Variants in LRP1B observed in about 807,000 individuals in gnomAD.
LRP1B encodes LDL receptor related protein 1B.
A neutral mutation model predicts 556.6 loss-of-function variants in LRP1B; 217 were observed. The observed-to-expected ratio is 0.39, with a 90% CI of 0.35 to 0.44. LRP1B has a LOEUF of 0.44. Among genes scored for constraint, LRP1B ranks in the 20% least tolerant of loss-of-function variants. LRP1B has a pLI of 1.00. For missense variants in LRP1B, 5,053 were observed against 5,620.8 expected, an observed-to-expected ratio of 0.90 and a Z score of 3.23; for synonymous variants, 2,047 against 1,865.8, an observed-to-expected ratio of 1.10 and a Z score of -2.50.
At chr2:141,208,957 G>T (rs2105245956) in intron 6 of LRP1B, among the ~76,000 whole-genome samples, 1 of 141,754 alleles carries the variant, frequency 7.1e-6, no homozygotes, top group East Asian at 2.2e-4. Context: ...TCTCCCTGAG[G>T]CCTTTAAAAC....
At chr2:141,098,932 C>G (rs1203809250) in intron 7 of LRP1B, among the ~76,000 whole-genome samples, 4 of 152,168 alleles carry the variant, frequency 2.6e-5, no homozygotes, top group African/African-American at 9.6e-5. Context: ...GCTCGGATTA[C>G]AATTAATATT....
intron 21 of LRP1B, among the ~76,000 whole-genome samples, chr2:140,913,803 G>C (rs770223864): frequency 1.4e-4 from 22 of 151,922 alleles, no homozygotes; most frequent in Non-Finnish European, 3.1e-4. Context: ...AAATTATCCT[G>C]AGCTATATAC....
intron 2 of LRP1B, among the ~76,000 whole-genome samples, chr2:141,663,920 C>CAAAAAAAAAAAAAAA (rs796406816): frequency 8.8e-6 from 1 of 113,324 alleles, no homozygotes. Flanking sequence ...AGAGATACAT[C>CAAAAAAAAAAAAAAA]AAAAAAAAAA....
intron 1 of LRP1B, among the ~76,000 whole-genome samples, chr2:142,061,537 G>T (rs1246473789): frequency 6.6e-6 from 1 of 151,932 alleles, no homozygotes; most frequent in African/African-American, 2.4e-5. Context: ...ACAGGGCAAA[G>T]AACATGGACA....
intron 1 of LRP1B, among the ~76,000 whole-genome samples, chr2:141,997,847 A>C (rs1232745408): frequency 2.0e-5 from 3 of 152,118 alleles, no homozygotes; most frequent in African/African-American, 7.2e-5. Context: ...TTCTTAAAGA[A>C]AACAGAGACA....
intron 86 of LRP1B, among the ~76,000 whole-genome samples, chr2:140,264,566 A>G (rs1416114971): frequency 6.6e-6 from 1 of 152,012 alleles, no homozygotes; most frequent in Non-Finnish European, 1.5e-5. Context: ...TTGAAACTCA[A>G]TCACCTCTTT....
chr2:140,818,823 G>A (rs1271468348), intron 31 of LRP1B, among the ~76,000 whole-genome samples: 2 of 151,898 alleles, frequency 1.3e-5, no homozygotes, highest in African/African-American at 4.8e-5. Context: ...TGTAGTTGTA[G>A]CTACTCGGGA....
At chr2:140,517,872 G>A (rs1323956974) in intron 49 of LRP1B, among the ~76,000 whole-genome samples, 4 of 151,568 alleles carry the variant, frequency 2.6e-5, no homozygotes, top group East Asian at 2.0e-4. Flanking sequence ...CACCATGCCC[G>A]GCTAATTTTT....
chr2:140,302,498 AC>A (rs1170893598), intron 83 of LRP1B, among the ~76,000 whole-genome samples: 1 of 152,174 alleles, frequency 6.6e-6, no homozygotes, highest in Non-Finnish European at 1.5e-5. Flanking sequence ...CTAGATAATT[AC>A]TATGATGGTT....
At chr2:142,090,046 G>A (rs1317342663) in intron 1 of LRP1B, among the ~76,000 whole-genome samples, 1 of 151,910 alleles carries the variant, frequency 6.6e-6, no homozygotes, top group Non-Finnish European at 1.5e-5. Context: ...CATCTATGTG[G>A]ATAATGATAA....
chr2:140,395,021 C>T (rs1684189855), intron 66 of LRP1B, among the ~76,000 whole-genome samples: 1 of 152,146 alleles, frequency 6.6e-6, no homozygotes, highest in South Asian at 2.1e-4. Flanking sequence ...CTACTCTATC[C>T]ACTCCTTGTA....
At chr2:140,551,799 C>G (rs1574071505) in intron 43 of LRP1B, among the ~76,000 whole-genome samples, 1 of 152,192 alleles carries the variant, frequency 6.6e-6, no homozygotes, top group South Asian at 2.1e-4. Context: ...AAATGAAAGA[C>G]TCCCTAAATC....
intron 32 of LRP1B, among the ~76,000 whole-genome samples, chr2:140,812,776 T>A (rs2105033736): frequency 6.6e-6 from 1 of 152,106 alleles, no homozygotes; most frequent in African/African-American, 2.4e-5. Context: ...TATATCACAA[T>A]ATTCAGAATT....
intron 17 of LRP1B, among the ~76,000 whole-genome samples, chr2:140,988,714 A>G (rs1697002205): frequency 6.6e-6 from 1 of 152,152 alleles, no homozygotes; most frequent in South Asian, 2.1e-4. Context: ...AACACTTGTT[A>G]TTGAGTAAGG....
intron 29 of LRP1B, among the ~76,000 whole-genome samples, chr2:140,843,821 C>A (rs965115705): frequency 2.0e-5 from 3 of 152,152 alleles, no homozygotes; most frequent in African/African-American, 7.2e-5. Flanking sequence ...CATTACTTTG[C>A]TAATATATAA....
At chr2:140,651,246 G>A (rs981736947) in intron 41 of LRP1B, among the ~76,000 whole-genome samples, 14 of 149,304 alleles carry the variant, frequency 9.4e-5, no homozygotes, top group Non-Finnish European at 1.8e-4. Context: ...GTAAACTATC[G>A]CAAGAACAAA....
intron 12 of LRP1B, among the ~76,000 whole-genome samples, chr2:141,018,138 C>T (rs962453947): frequency 5.3e-5 from 8 of 151,834 alleles, no homozygotes; most frequent in Non-Finnish European, 8.8e-5. Flanking sequence ...GGTGGGACTC[C>T]GTGTATTCTT....
chr2:141,279,386 A>AT (rs1320724837), intron 3 of LRP1B, among the ~76,000 whole-genome samples: 2 of 152,062 alleles, frequency 1.3e-5, no homozygotes, highest in Non-Finnish European at 2.9e-5. Context: ...GGTTCTATGG[A>AT]TTTTTGATAC....
chr2:140,744,834 G>A (rs969644556), intron 35 of LRP1B, among the ~76,000 whole-genome samples: 3 of 152,034 alleles, frequency 2.0e-5, no homozygotes, highest in African/African-American at 7.3e-5. Context: ...TTTTCCTCTA[G>A]GATGCAAGCT....
Sources: allele counts gnomAD v4.1 joint callset (sites outside exome capture counted in the v4.1 genomes callset), GRCh38; gene constraint gnomAD v4.1.1; transcripts MANE v1.5; gene names NCBI Gene and HGNC (gene_info 2026-07-23, HGNC 2026-07-21).